Variants in PPP1R9A observed in about 807,000 individuals in gnomAD.
The protein encoded by PPP1R9A is protein phosphatase 1 regulatory subunit 9A, also known as neurabin-1.
In PPP1R9A, 59 loss-of-function variants were observed where a neutral mutation model predicts 141.9. That is an observed-to-expected ratio of 0.42 (90% CI 0.34 to 0.52). The LOEUF (loss-of-function observed/expected upper bound fraction) is 0.52. PPP1R9A is among the 20% of genes least tolerant of loss of function. PPP1R9A has a pLI of 0.10. For missense variants in PPP1R9A, 1,444 were observed against 1,611.9 expected, an observed-to-expected ratio of 0.90 and a Z score of 1.78; for synonymous variants, 500 against 569.7, an observed-to-expected ratio of 0.88 and a Z score of 1.74.
intron 2 of PPP1R9A, among the ~76,000 whole-genome samples, chr7:94,931,876 C>T (rs1794205189): frequency 6.6e-6 from 1 of 152,214 alleles, no homozygotes. Context: ...CCGTGCCCGA[C>T]TGACTGTGGA....
Position 95,290,444 on chromosome 7 carries a change from A to G in PPP1R9A, c.*141A>G, listed in dbSNP as rs906201025. On this transcript the variant is annotated 3_prime_UTR_variant, in exon 20 of 20. Transcript: ENST00000433360. ...GGCCGGCTGAGGAACTGTGTGTTGAATAACTGCATTTTCTGCAATAGAATG... is the reference window on the plus strand; with the variant it reads ...GGCCGGCTGAGGAACTGTGTGTTGAGTAACTGCATTTTCTGCAATAGAATG... 7 of 932,840 alleles carry G rather than the reference A, an allele frequency of 7.5e-6. No homozygotes were observed. The highest frequency in any genetic ancestry group is 1.1e-5 in the Non-Finnish European group (7 of 637,362). 57.8% of individuals were successfully genotyped at this position (932,840 alleles called of 1,614,324 possible). A position where few individuals can be genotyped will look rare whatever the true frequency, so the allele number is the denominator to read the frequency against.
intron 8 of PPP1R9A, among the ~76,000 whole-genome samples, chr7:95,243,337 C>T (rs1474621479): frequency 6.6e-6 from 1 of 152,150 alleles, no homozygotes; most frequent in African/African-American, 2.4e-5. Flanking sequence ...GATTCTATGT[C>T]ATGTTCATGT....
chr7:95,145,897 T>A (rs1177284598), intron 4 of PPP1R9A, among the ~76,000 whole-genome samples: 1 of 152,214 alleles, frequency 6.6e-6, no homozygotes, highest in East Asian at 1.9e-4. Flanking sequence ...ATCCAGTCTA[T>A]CATTGATGGG....
chr7:95,279,251 A>C (rs1475122370), intron 16 of PPP1R9A, among the ~76,000 whole-genome samples: 2 of 152,184 alleles, frequency 1.3e-5, no homozygotes, highest in East Asian at 3.9e-4. Flanking sequence ...ATCCTATGAC[A>C]AGTACCTGGA....
intron 2 of PPP1R9A, among the ~76,000 whole-genome samples, chr7:95,069,137 C>T (rs1200509717): frequency 1.3e-5 from 2 of 152,108 alleles, no homozygotes; most frequent in Non-Finnish European, 2.9e-5. Flanking sequence ...TGTACATGCT[C>T]AGTACAAATG....
At chr7:95,049,171 T>C (rs1371380570) in intron 2 of PPP1R9A, among the ~76,000 whole-genome samples, 2 of 152,156 alleles carry the variant, frequency 1.3e-5, no homozygotes, top group East Asian at 3.9e-4. Flanking sequence ...CATAGGAGTA[T>C]GTAGAAGGTC....
rs575472415 is a variant in PPP1R9A at position 94,925,384 on chromosome 7, G to A, written c.1395+13876G>A. On this transcript the variant is annotated intron_variant, in intron 2 of 19. Transcript: ENST00000433360. ...TATCTGCGCACCATGGCCCAGCCAA[G>A]TTGACTTATAAAATTAACCATCACG... Among the ~76,000 whole-genome samples the A allele has an allele frequency of 3.3e-5, 5 of 152,300 alleles. No homozygotes were observed. In the South Asian group the frequency reaches 8.3e-4, roughly 25 times the overall value.
chr7:95,252,241 G>A, intron 12 of PPP1R9A, 111 bp downstream of exon 12: 1 of 1,200,494 alleles, frequency 8.3e-7, no homozygotes, highest in Non-Finnish European at 1.1e-6. Context: ...TCCTACTATG[G>A]GAAAGAAGAA....
chr7:95,000,379 A>G (rs1228496290), intron 2 of PPP1R9A, among the ~76,000 whole-genome samples: 1 of 152,204 alleles, frequency 6.6e-6, no homozygotes, highest in Non-Finnish European at 1.5e-5. Flanking sequence ...CACTTCACAT[A>G]CACATATGTT....
At position 94,954,567 on chromosome 7, in the gene PPP1R9A, A is replaced by C. The variant is rs1334068090; in HGVS notation, c.1395+43059A>C. Reference sequence around the variant, plus strand: ...TTTTTAAGAATGTCTTATGAACAGCATATCAATAGATTTCTTAAAAATTCA... The same window carrying C: ...TTTTTAAGAATGTCTTATGAACAGCCTATCAATAGATTTCTTAAAAATTCA... On this transcript the variant is annotated intron_variant, in intron 2 of 19. Transcript: ENST00000433360. 2.0e-5 allele frequency among the ~76,000 whole-genome samples: 3 copies of C among 151,992 alleles called. No individual in the cohort carries two copies. In the East Asian group the frequency reaches 5.8e-4, roughly 29 times the overall value.
intron 16 of PPP1R9A, among the ~76,000 whole-genome samples, chr7:95,281,978 G>A (rs145549781): frequency 1.3e-5 from 2 of 152,236 alleles, no homozygotes; most frequent in East Asian, 3.9e-4. Flanking sequence ...TGGGACTGCA[G>A]AGAAAATATT....
rs139851928 is a variant in PPP1R9A, at chr7:95,250,576, G to A, written c.2396+321G>A. Among the ~76,000 whole-genome samples the A allele has an allele frequency of 8.0e-3, 1,219 of 152,240 alleles. 7 individuals are homozygous for A. The highest frequency in any genetic ancestry group is 0.014 in the African/African-American group (563 of 41,548). The stretch of plus-strand genomic sequence containing the variant: ...AAACACCTCTATGATTTAGAAACAA[G>A]AAGCCCAGCGGAAAGTCATGTAGAA... On this transcript the variant is annotated intron_variant, in intron 10 of 19. Transcript: ENST00000433360.
At chr7:95,262,481 C>G (rs1375164070) in intron 12 of PPP1R9A, among the ~76,000 whole-genome samples, 2 of 152,160 alleles carry the variant, frequency 1.3e-5, no homozygotes, top group African/African-American at 4.8e-5. Context: ...ACAAGTGTTT[C>G]AAATGATATT....
At chr7:95,042,433 T>A (rs1246352124) in intron 2 of PPP1R9A, among the ~76,000 whole-genome samples, 1 of 152,214 alleles carries the variant, frequency 6.6e-6, no homozygotes, top group Non-Finnish European at 1.5e-5. Context: ...AATTTAAGAA[T>A]GCTATCTTAT....
rs1277709839 is a variant in PPP1R9A, at chr7:95,292,285, T to G, written c.*1982T>G. The G allele has an allele frequency of 1.3e-5, 2 of 152,614 alleles. No individual in the cohort carries two copies. Among genetic ancestry groups the G allele is most frequent in the Non-Finnish European group, 2.9e-5 (2 of 68,032 alleles). 9.5% of individuals were successfully genotyped at this position (152,614 alleles called of 1,614,324 possible). Reference sequence around the variant, plus strand: ...AATGAGTGATACAATTTGGCAAAACTTTTCAAATACTAAAACACTAAATTA... The same window carrying G: ...AATGAGTGATACAATTTGGCAAAACGTTTCAAATACTAAAACACTAAATTA... On this transcript the variant is annotated 3_prime_UTR_variant, in exon 20 of 20. Coordinates refer to ENST00000433360, the MANE Select transcript of PPP1R9A (RefSeq NM_001166160.2).
chr7:95,166,811 A>T (rs1831335359), intron 5 of PPP1R9A, among the ~76,000 whole-genome samples: 1 of 152,184 alleles, frequency 6.6e-6, no homozygotes, highest in Non-Finnish European at 1.5e-5. Context: ...AAGATAATAC[A>T]CCATGATTAA....
chr7:94,939,788 A>G (rs1244396513), intron 2 of PPP1R9A, among the ~76,000 whole-genome samples: 1 of 146,024 alleles, frequency 6.8e-6, no homozygotes, highest in Non-Finnish European at 1.5e-5. Context: ...ATATATGTAT[A>G]TATATGTATA....
chr7:94,982,997 A>G (rs1800317093), intron 2 of PPP1R9A, among the ~76,000 whole-genome samples: 1 of 152,122 alleles, frequency 6.6e-6, no homozygotes, highest in African/African-American at 2.4e-5. Context: ...ATTTTTGTAT[A>G]AGGTATAAGG....
intron 4 of PPP1R9A, among the ~76,000 whole-genome samples, chr7:95,123,282 G>A (rs777125106): frequency 5.3e-5 from 8 of 152,140 alleles, no homozygotes; most frequent in Non-Finnish European, 1.2e-4. Context: ...TTTTAAATGA[G>A]TATTTTCCTA....
Sources: allele counts gnomAD v4.1 joint callset (sites outside exome capture counted in the v4.1 genomes callset), GRCh38; gene constraint gnomAD v4.1.1; transcripts MANE v1.5; gene names NCBI Gene and HGNC (gene_info 2026-07-23, HGNC 2026-07-21).